MTHFD2L: variants seen among roughly 807,000 people sequenced by gnomAD.
The protein encoded by MTHFD2L is bifunctional methylenetetrahydrofolate dehydrogenase/cyclohydrolase 2, mitochondrial.
A neutral mutation model predicts 34.9 loss-of-function variants in MTHFD2L; 29 were observed. That is an observed-to-expected ratio of 0.83 (90% CI 0.62 to 1.13). The LOEUF (loss-of-function observed/expected upper bound fraction) is 1.13. MTHFD2L is among the 50% of genes most tolerant of loss of function. MTHFD2L has a pLI of 0.00. For missense variants in MTHFD2L, 481 were observed against 446.5 expected (o/e 1.08, Z -0.70); for synonymous variants, 167 against 155.7 (o/e 1.07, Z -0.54).
chr4:74,258,990 C>G (rs1313139599), intron 6 of MTHFD2L, among the ~76,000 whole-genome samples: 1 of 152,138 alleles, frequency 6.6e-6, no homozygotes, highest in African/African-American at 2.4e-5. Context: ...ATAGCAAATG[C>G]ATAAACATTT....
At chr4:74,118,445 G>A (rs533719318), upstream of MTHFD2L, among the ~76,000 whole-genome samples, 9 of 152,146 alleles carry the variant, frequency 5.9e-5, no homozygotes, top group Non-Finnish European at 1.0e-4. Context: ...TAGAAACAGA[G>A]CAAAGGCATT....
chr4:74,134,314 C>A (rs367574619), intron 1 of MTHFD2L, among the ~76,000 whole-genome samples: 1 of 152,142 alleles, frequency 6.6e-6, no homozygotes, highest in Non-Finnish European at 1.5e-5. Context: ...TTCCACAAGT[C>A]CCCTGGGAAC....
At chr4:74,141,798 T>A (rs1238045489) in intron 1 of MTHFD2L, among the ~76,000 whole-genome samples, 1 of 152,192 alleles carries the variant, frequency 6.6e-6, no homozygotes, top group Admixed American at 6.6e-5. Context: ...GAAATAAGGC[T>A]GCCCCTAAAA....
chr4:74,152,262 T>G (rs976532477), intron 1 of MTHFD2L, among the ~76,000 whole-genome samples: 1 of 152,116 alleles, frequency 6.6e-6, no homozygotes. Context: ...TTAGTATGAC[T>G]TATCATATTT....
intron 5 of MTHFD2L, 88 bp downstream of exon 5, chr4:74,201,458 T>A: frequency 1.0e-6 from 1 of 954,888 alleles, no homozygotes; most frequent in Admixed American, 2.4e-5. Context: ...ATGCAGCTTA[T>A]TATATTTGTG....
At chr4:74,158,950 A>G (rs1724806784) in intron 1 of MTHFD2L, among the ~76,000 whole-genome samples, 1 of 152,180 alleles carries the variant, frequency 6.6e-6, no homozygotes, top group Non-Finnish European at 1.5e-5. Flanking sequence ...CAAGATGAAA[A>G]TATATCTTCT....
At chr4:74,233,943 A>G (rs927528240) in intron 6 of MTHFD2L, among the ~76,000 whole-genome samples, 7 of 151,868 alleles carry the variant, frequency 4.6e-5, no homozygotes, top group African/African-American at 9.7e-5. Flanking sequence ...ACACATATAT[A>G]TGTACTATTT....
At chr4:74,206,068 C>T (rs1416351921) in intron 5 of MTHFD2L, among the ~76,000 whole-genome samples, 1 of 151,264 alleles carries the variant, frequency 6.6e-6, no homozygotes, top group Non-Finnish European at 1.5e-5. Context: ...CAGATGCTCT[C>T]TGCTTGTGTA....
At chr4:74,216,935 A>T (rs544435726) in intron 5 of MTHFD2L, among the ~76,000 whole-genome samples, 1 of 151,874 alleles carries the variant, frequency 6.6e-6, no homozygotes, top group South Asian at 2.1e-4. Context: ...TCCACATCAT[A>T]GGTCTTGATC....
At chr4:74,269,443 A>G (rs1366101179) in intron 6 of MTHFD2L, among the ~76,000 whole-genome samples, 1 of 152,048 alleles carries the variant, frequency 6.6e-6, no homozygotes, top group Non-Finnish European at 1.5e-5. Flanking sequence ...GATAACTAAT[A>G]TGGGAGTTTT....
At chr4:74,243,487 T>C (rs1741991800) in intron 6 of MTHFD2L, among the ~76,000 whole-genome samples, 1 of 152,186 alleles carries the variant, frequency 6.6e-6, no homozygotes, top group South Asian at 2.1e-4. Context: ...ATTTCTGGAC[T>C]TTGCTGATTT....
chr4:74,255,647 T>G (rs1743934356), intron 6 of MTHFD2L, among the ~76,000 whole-genome samples: 1 of 152,166 alleles, frequency 6.6e-6, no homozygotes, highest in Non-Finnish European at 1.5e-5. Context: ...TTCCCCCCTC[T>G]CTTCCACTTC....
At chr4:74,210,508 G>A (rs1736121752) in intron 5 of MTHFD2L, among the ~76,000 whole-genome samples, 2 of 152,114 alleles carry the variant, frequency 1.3e-5, no homozygotes, top group Non-Finnish European at 2.9e-5. Context: ...TTGTAGATGT[G>A]TGGTGGTATT....
upstream of MTHFD2L, among the ~76,000 whole-genome samples, chr4:74,120,713 A>T (rs959230727): frequency 6.6e-6 from 1 of 152,254 alleles, no homozygotes; most frequent in Non-Finnish European, 1.5e-5. Flanking sequence ...CTGTTCACAC[A>T]GCTCTGCAAG....
intron 5 of MTHFD2L, among the ~76,000 whole-genome samples, chr4:74,202,270 GT>G (rs1237117731): frequency 6.6e-6 from 1 of 152,168 alleles, no homozygotes; most frequent in Non-Finnish European, 1.5e-5. Flanking sequence ...TAGATCAAAG[GT>G]TAGTCTTAGG....
intron 6 of MTHFD2L, among the ~76,000 whole-genome samples, chr4:74,238,778 C>T (rs1223368332): frequency 6.6e-6 from 1 of 152,166 alleles, no homozygotes; most frequent in African/African-American, 2.4e-5. Context: ...CAAATCAAAA[C>T]CACAATGAGA....
chr4:74,195,125 A>G (rs186514821), intron 3 of MTHFD2L: 103 of 152,338 alleles, frequency 6.8e-4, no homozygotes, highest in African/African-American at 2.3e-3. Flanking sequence ...AAAATGCCTC[A>G]TGTTTTCAAG....
intron 1 of MTHFD2L, among the ~76,000 whole-genome samples, chr4:74,171,418 A>G (rs992684076): frequency 1.4e-4 from 22 of 152,248 alleles, no homozygotes; most frequent in African/African-American, 5.1e-4. Flanking sequence ...GCAAAGTGGT[A>G]CAGTGTTTTT....
intron 7 of MTHFD2L, among the ~76,000 whole-genome samples, chr4:74,300,252 T>C (rs1055397719): frequency 6.6e-6 from 1 of 152,008 alleles, no homozygotes; most frequent in Non-Finnish European, 1.5e-5. Context: ...ATGTTAACTA[T>C]ATATATTTTG....
Sources: gnomAD v4.1 joint callset for allele counts (sites outside exome capture counted in the v4.1 genomes callset) on GRCh38, gnomAD v4.1.1 for gene constraint, MANE v1.5 for transcripts, NCBI Gene and HGNC (gene_info 2026-07-23, HGNC 2026-07-21) for gene names.